Variants in ATG7 observed in about 807,000 individuals in gnomAD.
The protein encoded by ATG7 is autophagy related 7, also known as ubiquitin-like modifier-activating enzyme ATG7.
Under a neutral mutation model 82.4 loss-of-function variants are expected in ATG7, and 70 were observed. The ratio of observed to expected loss-of-function variants is 0.85; its 90% CI spans 0.70 to 1.04. ATG7 has a LOEUF of 1.04. Among genes scored for constraint, ATG7 ranks in the 50% least tolerant of loss-of-function variants. The pLI is 0.00. For synonymous variants in ATG7, 287 were observed against 313.0 expected, an observed-to-expected ratio of 0.92 and a Z score of 0.88; for missense variants, 792 against 864.3, an observed-to-expected ratio of 0.92 and a Z score of 1.05.
chr3:11,524,615 AATTAGTCAAGAATGGTAGTGC>A (rs1042902864), intron 20 of ATG7, among the ~76,000 whole-genome samples: 4 of 152,014 alleles, frequency 2.6e-5, no homozygotes, highest in Non-Finnish European at 4.4e-5. Flanking sequence ...AAATAATAAT[AATTAGTCAAGAATGGTAGTGC>A]ATTAGTCGAG....
chr3:11,389,924 A>G (rs1006345433), intron 19 of ATG7, among the ~76,000 whole-genome samples: 1 of 152,206 alleles, frequency 6.6e-6, no homozygotes, highest in African/African-American at 2.4e-5. Flanking sequence ...TTTTTGTGTT[A>G]TGTGCGAAGG....
At chr3:11,396,037 G>T (rs1262140345) in intron 19 of ATG7, among the ~76,000 whole-genome samples, 2 of 150,170 alleles carry the variant, frequency 1.3e-5, no homozygotes, top group Non-Finnish European at 2.9e-5. Context: ...TCCACCACTA[G>T]CATGTTTACA....
At position 11,555,156 on chromosome 3, in the gene ATG7, G is replaced by A; in HGVS notation, c.*313G>A. ...CATCCCCCAGGATCCTTTCCCCTTG[G>A]CCCTGAGGGGGTGACCCAACACAGA... is the stretch of plus-strand genomic sequence containing the variant. On this transcript the variant is annotated 3_prime_UTR_variant, in exon 21 of 21. Transcript: ENST00000693202. 2.5e-6 allele frequency: 1 copy of A among 393,306 alleles called. No homozygotes were observed. The highest frequency in any genetic ancestry group is 4.6e-6 in the Non-Finnish European group (1 of 218,570). The allele number at this position is 393,306 out of a possible 1,614,324, so 24.4% of individuals were successfully genotyped here. A position where few individuals can be genotyped will look rare whatever the true frequency, so the allele number is the denominator to read the frequency against.
At chr3:11,419,844 C>T (rs994140631) in intron 19 of ATG7, among the ~76,000 whole-genome samples, 3 of 152,132 alleles carry the variant, frequency 2.0e-5, no homozygotes, top group Non-Finnish European at 4.4e-5. Flanking sequence ...ATAGAGAAAA[C>T]CTAGCCTCCC....
At chr3:11,523,690 G>C (rs2092500637) in intron 20 of ATG7, among the ~76,000 whole-genome samples, 1 of 152,184 alleles carries the variant, frequency 6.6e-6, no homozygotes, top group East Asian at 1.9e-4. Flanking sequence ...AAGCAACAAA[G>C]GTTTTAAAAT....
At chr3:11,553,814 C>T (rs905461226) in intron 20 of ATG7, among the ~76,000 whole-genome samples, 18 of 152,226 alleles carry the variant, frequency 1.2e-4, no homozygotes, top group Non-Finnish European at 2.1e-4. Context: ...ACATCCTCGA[C>T]TTTGAAAGCC....
chr3:11,515,733 T>A (rs2092258912), intron 20 of ATG7, among the ~76,000 whole-genome samples: 1 of 152,172 alleles, frequency 6.6e-6, no homozygotes, highest in Non-Finnish European at 1.5e-5. Context: ...TTTTATCACA[T>A]GTGAATTTTT....
intron 18 of ATG7, among the ~76,000 whole-genome samples, chr3:11,371,967 GAGCGAGGCCAAACAACCATATAA>G (rs112006666): frequency 2.0e-5 from 3 of 151,452 alleles, no homozygotes; most frequent in African/African-American, 7.3e-5. Context: ...AACAGCCCGG[GAGCGAGGCCAAACAACCATATAA>G]AGCGAGGCCA....
intron 12 of ATG7, among the ~76,000 whole-genome samples, chr3:11,341,312 G>T (rs1320756434): frequency 6.6e-6 from 1 of 151,762 alleles, no homozygotes; most frequent in African/African-American, 2.4e-5. Flanking sequence ...CACCTGCCTC[G>T]GCCTCCCAAA....
intron 18 of ATG7, among the ~76,000 whole-genome samples, chr3:11,378,026 A>ACTTTTTTTTTTTTTTTTTTTTTTTT (rs2077555027): frequency 3.2e-5 from 1 of 31,492 alleles, no homozygotes; most frequent in Admixed American, 3.8e-4. Context: ...ACCAGTTACC[A>ACTTTTTTTTTTTTTTTTTTTTTTTT]ATTTTTTTTT....
chr3:11,385,310 G>A (rs2078238135), intron 19 of ATG7, among the ~76,000 whole-genome samples: 1 of 152,202 alleles, frequency 6.6e-6, no homozygotes, highest in Non-Finnish European at 1.5e-5. Flanking sequence ...TTACAGGCGT[G>A]AGCCACTGCG....
chr3:11,346,192 G>A (rs1954517707), intron 13 of ATG7, among the ~76,000 whole-genome samples: 1 of 152,180 alleles, frequency 6.6e-6, no homozygotes, highest in African/African-American at 2.4e-5. Flanking sequence ...CTTTATGACT[G>A]TAGAATATGC....
intron 20 of ATG7, among the ~76,000 whole-genome samples, chr3:11,543,909 G>A (rs2071049056): frequency 6.6e-6 from 1 of 152,158 alleles, no homozygotes; most frequent in African/African-American, 2.4e-5. Context: ...GGGTGGGCAG[G>A]GGCAAGGGCT....
At chr3:11,459,290 C>G (rs745451218) in intron 20 of ATG7, among the ~76,000 whole-genome samples, 1 of 151,800 alleles carries the variant, frequency 6.6e-6, no homozygotes, top group Non-Finnish European at 1.5e-5. Context: ...TCATAGATGG[C>G]TATGGTATGT....
intron 19 of ATG7, among the ~76,000 whole-genome samples, chr3:11,403,822 C>G (rs1288074809): frequency 6.6e-6 from 1 of 152,174 alleles, no homozygotes; most frequent in African/African-American, 2.4e-5. Flanking sequence ...TACTCCTTGA[C>G]AAAAGATGGC....
At position 11,555,991 on chromosome 3, in the gene ATG7, T is replaced by C. The variant is rs1575324225; in HGVS notation, c.*1148T>C. 2 of 152,856 alleles carry C rather than the reference T, an allele frequency of 1.3e-5. No individual in the cohort carries two copies. The highest frequency in any genetic ancestry group is 2.1e-4 in the South Asian group (1 of 4,820). 9.5% of individuals were successfully genotyped at this position (152,856 alleles called of 1,614,324 possible). ...TGTCGTTCAGCTCATGGGAGCTTCA[T>C]GGGGACACAGCCGGCACAGGTGCAG... On this transcript the variant is annotated 3_prime_UTR_variant, in exon 21 of 21. Transcript: ENST00000693202.
At chr3:11,346,983 A>T (rs577725853) in intron 13 of ATG7, among the ~76,000 whole-genome samples, 1 of 152,384 alleles carries the variant, frequency 6.6e-6, no homozygotes, top group East Asian at 1.9e-4. Flanking sequence ...AGATATTGAA[A>T]TAAGAGAGAG....
intron 14 of ATG7, among the ~76,000 whole-genome samples, chr3:11,353,520 T>A (rs2075716950): frequency 6.6e-6 from 1 of 152,212 alleles, no homozygotes; most frequent in South Asian, 2.1e-4. Context: ...GTTTGTCCTC[T>A]CCAAATCTCA....
At chr3:11,483,398 C>T (rs577124111) in intron 20 of ATG7, among the ~76,000 whole-genome samples, 3 of 152,174 alleles carry the variant, frequency 2.0e-5, no homozygotes, top group South Asian at 2.1e-4. Context: ...GCTCCCAACA[C>T]GCACAGATCT....
Sources: gnomAD v4.1 joint callset for allele counts (sites outside exome capture counted in the v4.1 genomes callset) on GRCh38, gnomAD v4.1.1 for gene constraint, MANE v1.5 for transcripts, NCBI Gene and HGNC (gene_info 2026-07-23, HGNC 2026-07-21) for gene names.